The following FBXW10B variants were observed in gnomAD, a reference collection of about 807,000 sequenced individuals.
The protein encoded by FBXW10B is F-box and WD repeat domain containing 10B, also known as F-box and WD repeat domain containing protein 10B.
chr17:15,585,106 A>G, the FBXW10B span, among the ~76,000 whole-genome samples: 5 of 151,426 alleles, frequency 3.3e-5, no homozygotes, highest in Non-Finnish European at 5.9e-5. Flanking sequence ...CTTATAAGCT[A>G]TAAATTACCT....
At chr17:15,584,821 T>C in the FBXW10B span, among the ~76,000 whole-genome samples, 2 of 152,196 alleles carry the variant, frequency 1.3e-5, no homozygotes, top group Non-Finnish European at 2.9e-5. Flanking sequence ...TCAACAAAGG[T>C]CAGAAACTAA....
At chr17:15,600,638 A>C in the FBXW10B span, among the ~76,000 whole-genome samples, 2 of 152,198 alleles carry the variant, frequency 1.3e-5, no homozygotes, top group South Asian at 2.1e-4. Context: ...CCCTTCCAGA[A>C]GGGGAACAAG....
chr17:15,566,786 G>A, the FBXW10B span, among the ~76,000 whole-genome samples: 2 of 150,564 alleles, frequency 1.3e-5, no homozygotes, highest in Non-Finnish European at 3.0e-5. Context: ...GGATGGTCTC[G>A]ATCTCCTGAC....
chr17:15,597,348 C>T, the FBXW10B span, among the ~76,000 whole-genome samples: 2 of 151,030 alleles, frequency 1.3e-5, no homozygotes, highest in East Asian at 2.0e-4. Flanking sequence ...GAAGTTGATG[C>T]CGGGCCCAGT....
At chr17:15,577,161 T>C in the FBXW10B span, among the ~76,000 whole-genome samples, 1 of 152,016 alleles carries the variant, frequency 6.6e-6, no homozygotes, top group African/African-American at 2.4e-5. Flanking sequence ...TTTATAAGTA[T>C]AGAAATTTCT....
At chr17:15,576,115 C>T in the FBXW10B span, among the ~76,000 whole-genome samples, 6 of 152,052 alleles carry the variant, frequency 3.9e-5, no homozygotes, top group South Asian at 2.1e-4. Context: ...ATGTAGACAC[C>T]GTTCATCTAC....
the FBXW10B span, among the ~76,000 whole-genome samples, chr17:15,604,300 A>G: frequency 6.6e-6 from 1 of 152,140 alleles, no homozygotes; most frequent in East Asian, 1.9e-4. Flanking sequence ...TTGAGTTCAA[A>G]AACAGGCACA....
chr17:15,601,896 A>C, the FBXW10B span, among the ~76,000 whole-genome samples: 3 of 152,286 alleles, frequency 2.0e-5, no homozygotes, highest in East Asian at 5.8e-4. Context: ...GCAAATCACG[A>C]GGTCAGGAGA....
At chr17:15,585,113 A>G in the FBXW10B span, among the ~76,000 whole-genome samples, 1 of 151,566 alleles carries the variant, frequency 6.6e-6, no homozygotes. Context: ...GCTATAAATT[A>G]CCTTATTGGA....
At chr17:15,593,578 G>A in the FBXW10B span, 2 of 1,557,710 alleles carry the variant, frequency 1.3e-6, no homozygotes, top group Admixed American at 1.8e-5. Flanking sequence ...CATTTTGTGT[G>A]TGATTGAGCG....
chr17:15,618,624 A>G, the FBXW10B span, among the ~76,000 whole-genome samples: 2 of 152,036 alleles, frequency 1.3e-5, no homozygotes, highest in East Asian at 1.9e-4. Flanking sequence ...TGAAGAGAAA[A>G]ACAAAAGCTT....
the FBXW10B span, among the ~76,000 whole-genome samples, chr17:15,611,258 G>A: frequency 6.6e-6 from 1 of 152,044 alleles, no homozygotes; most frequent in Non-Finnish European, 1.5e-5. Context: ...TCCTGACCTC[G>A]TGATCCGCCC....
At chr17:15,616,946 T>C in the FBXW10B span, among the ~76,000 whole-genome samples, 1 of 152,180 alleles carries the variant, frequency 6.6e-6, no homozygotes, top group Non-Finnish European at 1.5e-5. Flanking sequence ...GCATTGCATC[T>C]GTGTGTACAA....
the FBXW10B span, among the ~76,000 whole-genome samples, chr17:15,582,803 C>T: frequency 5.8e-3 from 838 of 145,368 alleles, 1 homozygote; most frequent in African/African-American, 6.9e-3. Flanking sequence ...GACCAAAGAG[C>T]CGTTCAGTGG....
chr17:15,596,566 C>T, the FBXW10B span: 5 of 1,612,278 alleles, frequency 3.1e-6, no homozygotes, highest in Non-Finnish European at 4.2e-6. Context: ...CCCTCGCTCA[C>T]AGCTGCTCAC....
chr17:15,600,775 C>T, the FBXW10B span, among the ~76,000 whole-genome samples: 1,159 of 152,094 alleles, frequency 7.6e-3, 6 homozygotes, highest in Non-Finnish European at 0.011. Flanking sequence ...GTCGGCCGGG[C>T]GCGGTGGCTC....
chr17:15,587,663 GC>G, the FBXW10B span, among the ~76,000 whole-genome samples: 1 of 151,806 alleles, frequency 6.6e-6, no homozygotes, highest in Admixed American at 6.6e-5. Context: ...TCCTAGAAGG[GC>G]CCTCTCATAG....
the FBXW10B span, among the ~76,000 whole-genome samples, chr17:15,605,748 C>G: frequency 6.6e-6 from 1 of 151,962 alleles, no homozygotes; most frequent in Admixed American, 6.6e-5. Flanking sequence ...TCACGGAAAC[C>G]TTTTTTCTTG....
At chr17:15,582,529 C>T in the FBXW10B span, among the ~76,000 whole-genome samples, 17 of 151,980 alleles carry the variant, frequency 1.1e-4, no homozygotes, top group Non-Finnish European at 2.1e-4. Context: ...TGCTTGTCCT[C>T]TTTCTACTTA....
Sources: gnomAD v4.1 joint callset for allele counts (sites outside exome capture counted in the v4.1 genomes callset) on GRCh38, gnomAD v4.1.1 for gene constraint, MANE v1.5 for transcripts, NCBI Gene and HGNC (gene_info 2026-07-23, HGNC 2026-07-21) for gene names.